The following VIRMA variants were observed in gnomAD, a reference collection of about 807,000 sequenced individuals.
VIRMA encodes the protein protein virilizer homolog.
In VIRMA, 65 loss-of-function variants were observed where a neutral mutation model predicts 182.4. The observed-to-expected ratio is 0.36, with a 90% CI of 0.29 to 0.44. The LOEUF (loss-of-function observed/expected upper bound fraction) is 0.44, where lower values mean the gene tolerates loss of function less well. Among genes scored for constraint, VIRMA ranks in the 20% least tolerant of loss-of-function variants. The probability of loss-of-function intolerance (pLI) is 1.00; values close to 1 mark genes in which losing one functional copy is unlikely to be tolerated. For missense variants in VIRMA, 1,752 were observed against 2,158.1 expected (o/e 0.81, Z 3.73); for synonymous variants, 709 against 743.1 (o/e 0.95, Z 0.75).
intron 16 of VIRMA, among the ~76,000 whole-genome samples, chr8:94,500,331 G>A (rs186177373): frequency 9.7e-4 from 148 of 152,166 alleles, no homozygotes; most frequent in African/African-American, 3.2e-3. Context: ...CCCAGGAGAC[G>A]GAGGTTGCAG....
intron 8 of VIRMA, among the ~76,000 whole-genome samples, chr8:94,520,354 C>T (rs1402910141): frequency 6.6e-6 from 1 of 151,956 alleles, no homozygotes; most frequent in Non-Finnish European, 1.5e-5. Context: ...AATTAGCTGG[C>T]CATGGTGGCC....
chr8:94,496,287 GA>G, intron 18 of VIRMA, 40 bp downstream of exon 18: 2 of 1,562,658 alleles, frequency 1.3e-6, no homozygotes, highest in Non-Finnish European at 8.7e-7. Context: ...AAACTGAGAG[GA>G]AAATAGGCCT....
chr8:94,506,397 T>C (rs755495572), intron 16 of VIRMA, 103 bp downstream of exon 16: 14 of 719,386 alleles, frequency 1.9e-5, no homozygotes, highest in Middle Eastern at 3.9e-4. Context: ...AGAAATCATT[T>C]CTTCAACTTT....
At chr8:94,503,695 T>G (rs1259231281) in intron 16 of VIRMA, among the ~76,000 whole-genome samples, 1 of 152,176 alleles carries the variant, frequency 6.6e-6, no homozygotes, top group African/African-American at 2.4e-5. Context: ...TACAGTTATG[T>G]AAGAGGATAA....
chr8:94,497,252 GT>G (rs1467074599), intron 17 of VIRMA: 1 of 151,954 alleles, frequency 6.6e-6, no homozygotes, highest in Non-Finnish European at 1.5e-5. Context: ...CTGCAAGCAC[GT>G]GCCACCATGC....
chr8:94,514,658 G>C (rs778257678), intron 11 of VIRMA, among the ~76,000 whole-genome samples: 1 of 152,214 alleles, frequency 6.6e-6, no homozygotes, highest in Non-Finnish European at 1.5e-5. Flanking sequence ...AAGTAGTACA[G>C]TACACAGGGT....
At chr8:94,493,852 G>C (rs567803451) in intron 20 of VIRMA, among the ~76,000 whole-genome samples, 14 of 152,170 alleles carry the variant, frequency 9.2e-5, no homozygotes, top group Non-Finnish European at 1.9e-4. Flanking sequence ...AAAATAATTC[G>C]CCTTACCACA....
chr8:94,519,326 T>C lies in VIRMA; in HGVS notation c.2172A>G (p.Glu724=), dbSNP rs1255282683. Residue 724 remains glutamate, a synonymous_variant, in exon 9 of 24, where the codon GAA becomes GAG. Transcript: ENST00000297591. ...GGATCAATAAATTTGTTGCTTCATA[T>C]TCCGACATAAAAAAAAGAAGACCCT... The part of the protein sequence containing the change: ...SQKGLLFFMS[E]YEATNLLIRA... 6.2e-7 allele frequency: 1 copy of C among 1,609,710 alleles called. No individual in the cohort carries two copies. The highest frequency in any genetic ancestry group is 1.7e-5 in the Admixed American group (1 of 58,622).
chr8:94,519,499 AT>A lies in VIRMA; in HGVS notation c.2022-24del, dbSNP rs762067016. 4 of 1,516,806 alleles carry A rather than the reference AT, an allele frequency of 2.6e-6. No homozygotes were observed. In the African/African-American group the frequency reaches 5.6e-5, roughly 21 times the overall value. 94.0% of individuals were successfully genotyped at this position (1,516,806 alleles called of 1,614,324 possible). A position where few individuals can be genotyped will look rare whatever the true frequency, so the allele number is the denominator to read the frequency against. ...TATCTGTGGAAGAGTTAATTGATAC[AT>A]GTCAAGTCAGTGCAAAGCATTCTTC... On this transcript the variant is annotated intron_variant, in intron 8 of 23. Transcript: ENST00000297591.
intron 14 of VIRMA, 137 bp from the exon 15 acceptor site, chr8:94,510,077 T>G (rs185147310): frequency 1.3e-6 from 1 of 773,484 alleles, no homozygotes; most frequent in African/African-American, 1.8e-5. Flanking sequence ...TAATGACAAA[T>G]TCTCTGGAAT....
At chr8:94,499,239 G>T in intron 17 of VIRMA, 135 bp downstream of exon 17, 1 of 531,592 alleles carries the variant, frequency 1.9e-6, no homozygotes, top group Non-Finnish European at 3.1e-6. Context: ...GGCCCCAAGA[G>T]ATCCTCCCAC....
chr8:94,503,756 T>C (rs1749994748), intron 16 of VIRMA, among the ~76,000 whole-genome samples: 1 of 152,176 alleles, frequency 6.6e-6, no homozygotes, highest in Admixed American at 6.5e-5. Flanking sequence ...ACTATTATTT[T>C]TGCAATTCTT....
chr8:94,532,465 C>T (rs978015905), intron 5 of VIRMA, among the ~76,000 whole-genome samples: 4 of 152,170 alleles, frequency 2.6e-5, no homozygotes, highest in African/African-American at 7.2e-5. Context: ...GACATAAAAA[C>T]GCACAGAGTT....
chr8:94,553,277 G>T, intron 1 of VIRMA, 108 bp downstream of exon 1: 1 of 1,127,044 alleles, frequency 8.9e-7, no homozygotes, highest in Non-Finnish European at 1.3e-6. Context: ...GTGTAAGCGA[G>T]AAATTAAAGA....
At chr8:94,552,745 T>G (rs1408935652) in intron 1 of VIRMA, among the ~76,000 whole-genome samples, 1 of 152,120 alleles carries the variant, frequency 6.6e-6, no homozygotes, top group Non-Finnish European at 1.5e-5. Context: ...ACCTCCAACC[T>G]CAAAGGAGAT....
intron 8 of VIRMA, among the ~76,000 whole-genome samples, chr8:94,524,930 T>C (rs1049599887): frequency 5.9e-5 from 9 of 152,214 alleles, no homozygotes; most frequent in Non-Finnish European, 1.2e-4. Context: ...CTGCTTCTCA[T>C]TTTGTCTTTC....
At chr8:94,514,262 G>A (rs991591966) in intron 11 of VIRMA, among the ~76,000 whole-genome samples, 10 of 152,154 alleles carry the variant, frequency 6.6e-5, no homozygotes, top group African/African-American at 1.7e-4. Flanking sequence ...ACGATGGCTC[G>A]ACTAAGGAAC....
rs757063695 is a variant in VIRMA at position 94,520,185 on chromosome 8, C to CAAA, written c.2022-712_2022-710dup. ...CTCCAACCTGAGTGAGACCCTGCATCAAAAAAAAAAAAAAAAAAAAAAGCC... is the reference window on the plus strand; with the variant it reads ...CTCCAACCTGAGTGAGACCCTGCATCAAAAAAAAAAAAAAAAAAAAAAAAAGCC... On this transcript the variant is annotated intron_variant, in intron 8 of 23. Coordinates refer to ENST00000297591, the MANE Select transcript of VIRMA (RefSeq NM_015496.5). 1.9e-3 allele frequency among the ~76,000 whole-genome samples: 159 copies of CAAA among 82,840 alleles called. 1 individual carries two copies. The highest frequency in any genetic ancestry group is 5.5e-3 in the African/African-American group (116 of 21,058). 54.3% of individuals were successfully genotyped at this position (82,840 alleles called of 152,430 possible). A position where few individuals can be genotyped will look rare whatever the true frequency, so the allele number is the denominator to read the frequency against.
intron 5 of VIRMA, chr8:94,533,552 C>A: frequency 6.6e-6 from 1 of 152,218 alleles, no homozygotes; most frequent in South Asian, 2.0e-4. Flanking sequence ...AGAGATCCTC[C>A]CACCTCAGCC....
Sources: gnomAD v4.1 joint callset for allele counts (sites outside exome capture counted in the v4.1 genomes callset) on GRCh38, gnomAD v4.1.1 for gene constraint, MANE v1.5 for transcripts, NCBI Gene and HGNC (gene_info 2026-07-23, HGNC 2026-07-21) for gene names.